Variants in CCDC146 observed in about 807,000 individuals in gnomAD.
CCDC146 encodes coiled-coil domain containing 146.
Under a neutral mutation model 119.3 loss-of-function variants are expected in CCDC146, and 92 were observed. The ratio of observed to expected loss-of-function variants is 0.77; its 90% CI spans 0.65 to 0.92. The LOEUF (loss-of-function observed/expected upper bound fraction) is 0.92, where lower values mean the gene tolerates loss of function less well. CCDC146 is among the 40% of genes least tolerant of loss of function. The pLI, the probability that CCDC146 is intolerant of heterozygous loss-of-function variation, is 0.00. For synonymous variants in CCDC146, 372 were observed against 371.8 expected (o/e 1.00, Z -0.01); for missense variants, 1,000 against 1,103.0 (o/e 0.91, Z 1.32).
At chr7:77,205,833 TTATTA>T (rs1315768741) in intron 2 of CCDC146, among the ~76,000 whole-genome samples, 1 of 152,214 alleles carries the variant, frequency 6.6e-6, no homozygotes, top group African/African-American at 2.4e-5. Context: ...CCATTTTATT[TTATTA>T]TTTCTTAAAA....
intron 14 of CCDC146, among the ~76,000 whole-genome samples, chr7:77,281,522 T>C (rs982456842): frequency 2.6e-5 from 4 of 152,244 alleles, no homozygotes; most frequent in Admixed American, 6.5e-5. Context: ...ATCAGATTTT[T>C]TTTAAGCAAA....
chr7:77,259,113 A>C, intron 7 of CCDC146, 45 bp downstream of exon 7: 1 of 1,098,382 alleles, frequency 9.1e-7, no homozygotes. Context: ...AGTCCAAGTT[A>C]TGTGTGCACA....
At chr7:77,165,603 G>A (rs532743207) in intron 1 of CCDC146, among the ~76,000 whole-genome samples, 1 of 152,354 alleles carries the variant, frequency 6.6e-6, no homozygotes, top group East Asian at 1.9e-4. Context: ...AGCAATAGCA[G>A]CAGAGGCAAC....
At chr7:77,240,065 T>C (rs1021790555) in intron 3 of CCDC146, among the ~76,000 whole-genome samples, 6 of 152,244 alleles carry the variant, frequency 3.9e-5, no homozygotes, top group African/African-American at 1.4e-4. Context: ...GTTTCTGTTT[T>C]TTCATAGTTC....
At chr7:77,224,014 G>A (rs1792455967) in intron 2 of CCDC146, among the ~76,000 whole-genome samples, 1 of 152,228 alleles carries the variant, frequency 6.6e-6, no homozygotes, top group South Asian at 2.1e-4. Context: ...TAATAGGAGT[G>A]TTCCAAGTAG....
intron 2 of CCDC146, among the ~76,000 whole-genome samples, chr7:77,179,765 ATT>A (rs1419965567): frequency 6.6e-6 from 1 of 152,176 alleles, no homozygotes; most frequent in Non-Finnish European, 1.5e-5. Flanking sequence ...TAAGTGTACC[ATT>A]TGTGTTAAGT....
intron 6 of CCDC146, among the ~76,000 whole-genome samples, chr7:77,258,502 A>G (rs913746086): frequency 5.3e-5 from 8 of 152,164 alleles, no homozygotes; most frequent in African/African-American, 1.9e-4. Flanking sequence ...AATAAATTAC[A>G]TTTATTGTAC....
Position 77,274,475 on chromosome 7 carries a change from T to C in CCDC146, c.1270-7T>C, listed in dbSNP as rs777031465. 24 of 1,508,010 alleles carry C rather than the reference T, an allele frequency of 1.6e-5. No homozygotes were observed. Among genetic ancestry groups the C allele is most frequent in the Non-Finnish European group, 2.0e-5 (22 of 1,122,684 alleles). 93.4% of individuals were successfully genotyped at this position (1,508,010 alleles called of 1,614,324 possible). A position where few individuals can be genotyped will look rare whatever the true frequency, so the allele number is the denominator to read the frequency against. On this transcript the variant is annotated splice_region_variant and splice_polypyrimidine_tract_variant and intron_variant, in intron 10 of 18. Transcript: ENST00000285871. Reference sequence around the variant, plus strand: ...CTTATAATATTATCTGTGTTTTTTTTCAAAAGAAAATTATATCAGAAATGG... The same window carrying C: ...CTTATAATATTATCTGTGTTTTTTTCCAAAAGAAAATTATATCAGAAATGG...
At chr7:77,261,494 G>A (rs933148698) in intron 8 of CCDC146, among the ~76,000 whole-genome samples, 9 of 151,786 alleles carry the variant, frequency 5.9e-5, no homozygotes, top group African/African-American at 1.7e-4. Flanking sequence ...TTTTTGAGAC[G>A]GAGTCTCGCT....
chr7:77,221,434 C>T (rs1296933856), intron 2 of CCDC146, among the ~76,000 whole-genome samples: 2 of 152,342 alleles, frequency 1.3e-5, no homozygotes, highest in Non-Finnish European at 2.9e-5. Context: ...CCTTCATACA[C>T]AGGCATGCAC....
chr7:77,146,989 A>G (rs1256621739), intron 1 of CCDC146, among the ~76,000 whole-genome samples: 1 of 152,138 alleles, frequency 6.6e-6, no homozygotes, highest in African/African-American at 2.4e-5. Flanking sequence ...CTCCTGGAAA[A>G]TATCCTGCAG....
chr7:77,283,588 A>G (rs1269139746), intron 15 of CCDC146, among the ~76,000 whole-genome samples: 1 of 152,178 alleles, frequency 6.6e-6, no homozygotes, highest in Non-Finnish European at 1.5e-5. Flanking sequence ...TAAAAGTATA[A>G]AAATTATAAA....
intron 1 of CCDC146, among the ~76,000 whole-genome samples, chr7:77,126,214 A>C (rs1790687779): frequency 6.6e-6 from 1 of 152,068 alleles, no homozygotes; most frequent in Non-Finnish European, 1.5e-5. Context: ...GAAGATGATC[A>C]TATTGTTTTT....
chr7:77,272,014 C>T (rs1046769260), intron 9 of CCDC146, among the ~76,000 whole-genome samples: 5 of 152,130 alleles, frequency 3.3e-5, no homozygotes, highest in African/African-American at 1.2e-4. Flanking sequence ...TCCAGGCACA[C>T]CTGTAGCAGA....
intron 2 of CCDC146, among the ~76,000 whole-genome samples, chr7:77,197,668 T>C (rs140948375): frequency 5.3e-5 from 8 of 152,334 alleles, no homozygotes; most frequent in African/African-American, 1.9e-4. Flanking sequence ...GTTAAAATCC[T>C]AATGCATAGG....
intron 10 of CCDC146, 34 bp downstream of exon 10, chr7:77,273,823 A>C (rs1449821899): frequency 1.5e-6 from 2 of 1,376,246 alleles, no homozygotes; most frequent in East Asian, 4.6e-5. Context: ...CTTCTATCTA[A>C]GAAGCGTTCA....
chr7:77,254,386 C>T, intron 4 of CCDC146, 120 bp from the exon 5 acceptor site: 2 of 599,134 alleles, frequency 3.3e-6, no homozygotes, highest in Non-Finnish European at 5.8e-6. Flanking sequence ...AGAATGGACA[C>T]CAGGTTGCCT....
chr7:77,144,177 A>AT (rs1393137653), intron 1 of CCDC146, among the ~76,000 whole-genome samples: 2 of 151,662 alleles, frequency 1.3e-5, no homozygotes, highest in Non-Finnish European at 2.9e-5. Flanking sequence ...TCTTTGAAGC[A>AT]ATTGTGAATG....
chr7:77,132,949 A>T (rs1311823777), intron 1 of CCDC146, among the ~76,000 whole-genome samples: 1 of 152,054 alleles, frequency 6.6e-6, no homozygotes, highest in African/African-American at 2.4e-5. Flanking sequence ...AGGTGGGTCG[A>T]TCACCTGAGG....
Sources: allele counts gnomAD v4.1 joint callset (sites outside exome capture counted in the v4.1 genomes callset), GRCh38; gene constraint gnomAD v4.1.1; transcripts MANE v1.5; gene names NCBI Gene and HGNC (gene_info 2026-07-23, HGNC 2026-07-21).